Variants in AKAP19 observed in about 807,000 individuals in gnomAD.
AKAP19 encodes A-kinase anchoring protein 19.
chr2:190,180,777 C>A, the AKAP19 span: 2 of 985,166 alleles, frequency 2.0e-6, no homozygotes, highest in East Asian at 1.1e-4. This position sits in a 1 kb window ranked among gnomAD's most constrained non-coding sequence, Gnocchi z 6.8. Context: ...GGCCGCGAAC[C>A]CGCGAGGAGC....
chr2:190,192,246 G>A, the AKAP19 span, among the ~76,000 whole-genome samples: 1 of 152,020 alleles, frequency 6.6e-6, no homozygotes, highest in African/African-American at 2.4e-5. Flanking sequence ...GACATGTCAA[G>A]TATCAGTTTA....
chr2:189,957,514 G>A, the AKAP19 span, among the ~76,000 whole-genome samples: 1 of 152,106 alleles, frequency 6.6e-6, no homozygotes, highest in African/African-American at 2.4e-5. Context: ...TAGTCAGCTT[G>A]CCACCAAAAC....
the AKAP19 span, among the ~76,000 whole-genome samples, chr2:189,908,001 GT>G: frequency 6.6e-6 from 1 of 151,946 alleles, no homozygotes; most frequent in East Asian, 1.9e-4. Flanking sequence ...CAAAAAAATC[GT>G]TCTTAGTTTT....
At chr2:190,078,072 T>C in the AKAP19 span, among the ~76,000 whole-genome samples, 618 of 152,318 alleles carry the variant, frequency 4.1e-3, 4 homozygotes, top group Middle Eastern at 0.02. Flanking sequence ...AGGGGACCTC[T>C]AGAGCCTTTC....
At chr2:190,002,318 C>T in the AKAP19 span, among the ~76,000 whole-genome samples, 1 of 152,132 alleles carries the variant, frequency 6.6e-6, no homozygotes, top group Non-Finnish European at 1.5e-5. Flanking sequence ...TGCCAGAAAC[C>T]TTGACCTTTT....
chr2:190,008,744 A>G, the AKAP19 span, among the ~76,000 whole-genome samples: 2 of 94,272 alleles, frequency 2.1e-5, no homozygotes, highest in African/African-American at 5.6e-5. Flanking sequence ...ACACACACAC[A>G]CACACACACA....
the AKAP19 span, among the ~76,000 whole-genome samples, chr2:190,134,379 T>G: frequency 3.7e-4 from 57 of 152,278 alleles, no homozygotes; most frequent in East Asian, 0.01. Flanking sequence ...GAGAAAGGAT[T>G]AACATAGAAC....
the AKAP19 span, among the ~76,000 whole-genome samples, chr2:190,017,992 G>A: frequency 1.2e-3 from 188 of 152,250 alleles, 1 homozygote; most frequent in African/African-American, 4.3e-3. Context: ...GGTCTGTAAG[G>A]TTTCTGCTGA....
the AKAP19 span, among the ~76,000 whole-genome samples, chr2:190,123,059 G>C: frequency 1.3e-5 from 2 of 152,052 alleles, no homozygotes; most frequent in African/African-American, 4.8e-5. Context: ...TGATCCTCCT[G>C]CCCCAGCCTC....
chr2:190,168,531 A>G, the AKAP19 span, among the ~76,000 whole-genome samples: 1 of 151,902 alleles, frequency 6.6e-6, no homozygotes, highest in Non-Finnish European at 1.5e-5. Flanking sequence ...TCTCTTTTCT[A>G]TCGCATTGTC....
At chr2:190,200,200 T>A in the AKAP19 span, 1 of 1,498,346 alleles carries the variant, frequency 6.7e-7, no homozygotes, top group Non-Finnish European at 9.2e-7. Context: ...TGAATAAATG[T>A]GACAAAAGCA....
the AKAP19 span, among the ~76,000 whole-genome samples, chr2:190,189,309 C>T: frequency 0.029 from 4,361 of 152,160 alleles, 206 homozygotes; most frequent in African/African-American, 0.097. Context: ...GATAAAGTAC[C>T]GTTGGAGCAC....
the AKAP19 span, among the ~76,000 whole-genome samples, chr2:190,181,960 T>C: frequency 6.6e-6 from 1 of 152,256 alleles, no homozygotes; most frequent in Non-Finnish European, 1.5e-5. Flanking sequence ...TCAAGCAGAA[T>C]GGTCTGGAAG....
the AKAP19 span, among the ~76,000 whole-genome samples, chr2:189,901,922 C>G: frequency 2.8e-3 from 430 of 152,062 alleles, 1 homozygote; most frequent in Non-Finnish European, 5.2e-3. Context: ...ATTATAAGTA[C>G]TATGTATGAG....
chr2:190,147,291 T>A, the AKAP19 span, among the ~76,000 whole-genome samples: 2 of 152,232 alleles, frequency 1.3e-5, no homozygotes, highest in African/African-American at 2.4e-5. Context: ...GTTTGCTTTG[T>A]CAAAGATCAG....
the AKAP19 span, among the ~76,000 whole-genome samples, chr2:190,066,411 G>T: frequency 6.6e-6 from 1 of 152,172 alleles, no homozygotes; most frequent in Admixed American, 6.5e-5. Context: ...AGAAAAGGAG[G>T]ACGATGAGAT....
chr2:189,993,732 T>C, the AKAP19 span, among the ~76,000 whole-genome samples: 12,629 of 152,212 alleles, frequency 0.083, 1,483 homozygotes, highest in African/African-American at 0.25. Flanking sequence ...TGATTTAATC[T>C]AGGAGGGTTG....
the AKAP19 span, among the ~76,000 whole-genome samples, chr2:189,962,181 A>C: frequency 6.6e-6 from 1 of 152,172 alleles, no homozygotes; most frequent in Non-Finnish European, 1.5e-5. Context: ...TAGATACATA[A>C]ATACTTACCA....
chr2:190,022,982 A>G, the AKAP19 span, among the ~76,000 whole-genome samples: 2 of 152,176 alleles, frequency 1.3e-5, no homozygotes. Flanking sequence ...TGAGAATGTT[A>G]GGCCAATGTC....
Sources: gnomAD v4.1 joint callset for allele counts (sites outside exome capture counted in the v4.1 genomes callset) on GRCh38, gnomAD v4.1.1 for gene constraint, Gnocchi (gnomAD v3.1) non-coding constraint, MANE v1.5 for transcripts, NCBI Gene and HGNC (gene_info 2026-07-23, HGNC 2026-07-21) for gene names.